The following IGF2BP1 variants were observed in gnomAD, a reference collection of about 807,000 sequenced individuals.
IGF2BP1 encodes the protein insulin-like growth factor 2 mRNA-binding protein 1.
A neutral mutation model predicts 74.9 loss-of-function variants in IGF2BP1; 11 were observed. That is an observed-to-expected ratio of 0.15 (90% CI 0.09 to 0.24). The LOEUF (loss-of-function observed/expected upper bound fraction) is 0.24. Among genes scored for constraint, IGF2BP1 ranks in the 10% least tolerant of loss-of-function variants. The pLI is 1.00. For missense variants in IGF2BP1, 440 were observed against 757.4 expected, an observed-to-expected ratio of 0.58 and a Z score of 4.92; for synonymous variants, 287 against 281.8, an observed-to-expected ratio of 1.02 and a Z score of -0.18.
chr17:49,035,398 T>G (rs2041974384), intron 5 of IGF2BP1, among the ~76,000 whole-genome samples: 1 of 152,210 alleles, frequency 6.6e-6, no homozygotes. Context: ...TAGACTAGGT[T>G]GTAAGTTTCC....
At chr17:49,000,186 A>G (rs2041470309) in intron 2 of IGF2BP1, among the ~76,000 whole-genome samples, 1 of 152,138 alleles carries the variant, frequency 6.6e-6, no homozygotes, top group Admixed American at 6.5e-5. Context: ...CAAGCTGGAA[A>G]GCAGCCCCCA....
At position 49,045,972 on chromosome 17, in the gene IGF2BP1, G is replaced by A. The variant is rs757206543; in HGVS notation, c.1478G>A (p.Arg493His). The A allele has an allele frequency of 2.9e-5, 46 of 1,614,028 alleles. No individual in the cohort carries two copies. Among genetic ancestry groups the A allele is most frequent in the Non-Finnish European group, 3.5e-5 (41 of 1,180,032 alleles). Reference protein sequence around the residue: ...KEEVKLETHIRVPASAAGRVI... With the variant: ...KEEVKLETHIHVPASAAGRVI... ...GAAGTGAAGCTGGAGACCCACATAC[G>A]TGTGCCAGCATCAGCAGCTGGCCGG... Residue 493 changes from arginine to histidine, a missense_variant, in exon 13 of 15, where the codon CGT becomes CAT. Physicochemically the swap from Arg to His is conservative, Grantham distance 29. Around this residue, in one of 5 missense-constraint regions of IGF2BP1, gnomAD observed 117 missense variants for 237.2 expected, o/e 0.49. Coordinates refer to ENST00000290341, the MANE Select transcript of IGF2BP1 (RefSeq NM_006546.4).
intron 5 of IGF2BP1, chr17:49,036,977 A>C (rs1207387164): frequency 5.2e-6 from 1 of 191,146 alleles, no homozygotes; most frequent in African/African-American, 2.4e-5. Flanking sequence ...TGGCTTAAGC[A>C]AAGGCCACAA....
chr17:49,022,524 G>A (rs550509092), intron 2 of IGF2BP1, among the ~76,000 whole-genome samples: 1 of 152,238 alleles, frequency 6.6e-6, no homozygotes, highest in East Asian at 1.9e-4. Context: ...ACCCTGGAGG[G>A]CTGGGTGAGT....
chr17:49,043,595 G>T (rs1180853485), intron 10 of IGF2BP1, 45 bp downstream of exon 10: 2 of 1,606,584 alleles, frequency 1.2e-6, no homozygotes, highest in African/African-American at 2.7e-5. Context: ...GCCCATATGT[G>T]GCCTCCCTTA....
chr17:49,021,152 A>G (rs1490680657), intron 2 of IGF2BP1, among the ~76,000 whole-genome samples: 1 of 151,906 alleles, frequency 6.6e-6, no homozygotes, highest in East Asian at 1.9e-4. Context: ...CAAAGGAAAA[A>G]AAAAAAAGCA....
intron 2 of IGF2BP1, among the ~76,000 whole-genome samples, chr17:49,017,244 C>T (rs1451354320): frequency 1.3e-5 from 2 of 152,134 alleles, no homozygotes; most frequent in African/African-American, 4.8e-5. Flanking sequence ...AGCTCTCCCT[C>T]ACTCCCTGGT....
At chr17:49,046,762 G>A (rs766060522) in intron 14 of IGF2BP1, among the ~76,000 whole-genome samples, 2 of 152,130 alleles carry the variant, frequency 1.3e-5, no homozygotes, top group Non-Finnish European at 2.9e-5. Context: ...AATGATAACA[G>A]TACTAACACC....
chr17:49,022,905 C>T (rs2041809903), intron 2 of IGF2BP1, among the ~76,000 whole-genome samples: 1 of 152,226 alleles, frequency 6.6e-6, no homozygotes, highest in South Asian at 2.1e-4. Context: ...TAAGCCACCC[C>T]CACCTCTCTG....
chr17:49,021,708 G>C (rs1432567635), intron 2 of IGF2BP1, among the ~76,000 whole-genome samples: 1 of 152,146 alleles, frequency 6.6e-6, no homozygotes, highest in Non-Finnish European at 1.5e-5. Context: ...GGTGGGGAGG[G>C]ACTAATGAAC....
chr17:48,997,362 CTTTT>C (rs754623540), upstream of IGF2BP1: 91 of 109,242 alleles, frequency 8.3e-4, 1 homozygote, highest in African/African-American at 2.8e-3. This position sits in a 1 kb window ranked among gnomAD's most constrained non-coding sequence, Gnocchi z 4.8. Context: ...GTGGCTTCTC[CTTTT>C]TTTTTTTTTT....
rs796742128 is a variant in IGF2BP1 at position 48,997,638 on chromosome 17, T to C, written c.-108T>C. Reference sequence around the variant, plus strand: ...TTCTGGGGTGGGGTGCAAAGAAAGTTTGCGGCTCCTGCCGCCGGCCTCTCC... The same window carrying C: ...TTCTGGGGTGGGGTGCAAAGAAAGTCTGCGGCTCCTGCCGCCGGCCTCTCC... On this transcript the variant is annotated 5_prime_UTR_variant, in exon 1 of 15. Coordinates refer to ENST00000290341, the MANE Select transcript of IGF2BP1 (RefSeq NM_006546.4). This position sits in a 1 kb window ranked among gnomAD's most constrained non-coding sequence, Gnocchi z 4.8. The C allele has an allele frequency of 1.2e-5, 15 of 1,243,202 alleles. No individual in the cohort carries two copies. Among genetic ancestry groups the C allele is most frequent in the Non-Finnish European group, 1.5e-5 (13 of 892,650 alleles). The allele number at this position is 1,243,202 out of a possible 1,614,324, so 77.0% of individuals were successfully genotyped here.
chr17:49,038,464 T>A lies in IGF2BP1; in HGVS notation c.683+15T>A. On this transcript the variant is annotated intron_variant, in intron 6 of 14. Transcript: ENST00000290341. ...ACCCAGTCCAAGTGAGTCTTGGCTC[T>A]TGGGGAATGGAGGTTGGGTGCTAGG... 4.8e-6 allele frequency: 7 copies of A among 1,465,760 alleles called. No homozygotes were observed. Among genetic ancestry groups the A allele is most frequent in the African/African-American group, 1.4e-5 (1 of 70,474 alleles). The allele number at this position is 1,465,760 out of a possible 1,614,324, so 90.8% of individuals were successfully genotyped here. A position where few individuals can be genotyped will look rare whatever the true frequency, so the allele number is the denominator to read the frequency against.
At chr17:49,031,502 T>C (rs181989498) in intron 4 of IGF2BP1, among the ~76,000 whole-genome samples, 1 of 141,354 alleles carries the variant, frequency 7.1e-6, no homozygotes, top group African/African-American at 2.7e-5. Flanking sequence ...TTCTTTCTTC[T>C]TTTTTTTTTT....
chr17:48,999,923 GGTGTGTGTGTGTGTGT>G (rs371605973), intron 2 of IGF2BP1, among the ~76,000 whole-genome samples: 7 of 134,024 alleles, frequency 5.2e-5, no homozygotes, highest in South Asian at 5.3e-4. Flanking sequence ...GTGGATGAAT[GGTGTGTGTGTGTGTGT>G]GTGTGTGTGT....
intron 2 of IGF2BP1, among the ~76,000 whole-genome samples, chr17:49,010,011 C>T (rs983652616): frequency 5.9e-5 from 9 of 151,930 alleles, no homozygotes; most frequent in Admixed American, 5.2e-4. Context: ...ACCCAGGAGG[C>T]GGAGGTTGCA....
At position 49,050,179 on chromosome 17, in the gene IGF2BP1, A is replaced by G. The variant is rs954845169; in HGVS notation, c.*735A>G. On this transcript the variant is annotated 3_prime_UTR_variant, in exon 15 of 15. Coordinates refer to ENST00000290341, the MANE Select transcript of IGF2BP1 (RefSeq NM_006546.4). ...AGATCACCATCTTCAAATTGGCACAACTGAAATTTCCCCACTCTGTTGGGG... is the reference window on the plus strand; with the variant it reads ...AGATCACCATCTTCAAATTGGCACAGCTGAAATTTCCCCACTCTGTTGGGG... 24 of 152,560 alleles carry G rather than the reference A, an allele frequency of 1.6e-4. No individual in the cohort carries two copies. The highest frequency in any genetic ancestry group is 7.4e-5 in the Non-Finnish European group (5 of 68,012). 9.5% of individuals were successfully genotyped at this position (152,560 alleles called of 1,614,324 possible). A position where few individuals can be genotyped will look rare whatever the true frequency, so the allele number is the denominator to read the frequency against.
rs2042107053 is a variant in IGF2BP1 at position 49,046,292 on chromosome 17, G to A, written c.1560G>A (p.Glu520=). 1.2e-6 allele frequency: 2 copies of A among 1,614,158 alleles called. No homozygotes were observed. Among genetic ancestry groups the A allele is most frequent in the Non-Finnish European group, 1.7e-6 (2 of 1,180,030 alleles). Residue 520 remains glutamate (E), a synonymous_variant, in exon 14 of 15, where the codon GAG becomes GAA. Coordinates refer to ENST00000290341, the MANE Select transcript of IGF2BP1 (RefSeq NM_006546.4). ...VNELQNLTAA[E]VVVPRDQTPD... ...AGTTGCAGAATTTGACGGCAGCTGAGGTGGTAGTACCAAGAGACCAGACCC... is the reference window on the plus strand; with the variant it reads ...AGTTGCAGAATTTGACGGCAGCTGAAGTGGTAGTACCAAGAGACCAGACCC...
At chr17:49,025,363 A>C (rs1191013537) in intron 2 of IGF2BP1, among the ~76,000 whole-genome samples, 1 of 103,660 alleles carries the variant, frequency 9.6e-6, no homozygotes, top group East Asian at 3.0e-4. Context: ...TGTGTTGGGA[A>C]TGTTAACAGA....
Sources: allele counts gnomAD v4.1 joint callset (sites outside exome capture counted in the v4.1 genomes callset), GRCh38; gene constraint gnomAD v4.1.1; regional missense constraint gnomAD v4.1.1; non-coding constraint Gnocchi (gnomAD v3.1); transcripts MANE v1.5; gene names NCBI Gene and HGNC (gene_info 2026-07-23, HGNC 2026-07-21).